The following ABCC1 variants were observed in gnomAD, a reference collection of about 807,000 sequenced individuals.
ABCC1 encodes ATP binding cassette subfamily C member 1 (ABCC1 blood group), also known as multidrug resistance-associated protein 1.
A neutral mutation model predicts 172.9 loss-of-function variants in ABCC1; 83 were observed. The observed-to-expected ratio is 0.48, with a 90% CI of 0.40 to 0.58. The LOEUF (loss-of-function observed/expected upper bound fraction) is 0.58. Among genes scored for constraint, ABCC1 ranks in the 20% least tolerant of loss-of-function variants. The probability of loss-of-function intolerance (pLI) is 0.00; values close to 1 mark genes in which losing one functional copy is unlikely to be tolerated. For missense variants in ABCC1, 1,817 were observed against 2,002.7 expected, an observed-to-expected ratio of 0.91 and a Z score of 1.77; for synonymous variants, 937 against 825.2, an observed-to-expected ratio of 1.14 and a Z score of -2.32.
At chr16:16,073,055 A>AAT (rs1555493562) in intron 14 of ABCC1, among the ~76,000 whole-genome samples, 1,825 of 143,718 alleles carry the variant, frequency 0.013, 27 homozygotes, top group African/African-American at 0.037. Flanking sequence ...AAAAAAAAAA[A>AAT]AATAATAATA....
chr16:16,051,316 G>A (rs1250142075), intron 10 of ABCC1, among the ~76,000 whole-genome samples: 1 of 151,810 alleles, frequency 6.6e-6, no homozygotes, highest in East Asian at 1.9e-4. Flanking sequence ...GACTACAGGT[G>A]CACGCCACCA....
intron 20 of ABCC1, among the ~76,000 whole-genome samples, chr16:16,106,232 A>G (rs940029660): frequency 6.6e-6 from 1 of 151,970 alleles, no homozygotes; most frequent in African/African-American, 2.4e-5. Context: ...GCAAGATCCC[A>G]CCCCAGTGCC....
In ABCC1 at chr16:16,090,531, G is replaced by A. The variant is rs1193186185; in HGVS notation, c.2587G>A (p.Ala863Thr). 1.2e-6 allele frequency: 2 copies of A among 1,613,646 alleles called. No individual in the cohort carries two copies. Among genetic ancestry groups the A allele is most frequent in the Non-Finnish European group, 8.5e-7 (1 of 1,179,836 alleles). Reference sequence around the variant, plus strand: ...GCTGCTGGCTCGAGACGGCGCCTTCGCTGAGTTCCTGCGTACCTATGCCAG... The same window carrying A: ...GCTGCTGGCTCGAGACGGCGCCTTCACTGAGTTCCTGCGTACCTATGCCAG... ...QELLARDGAF[A>T]EFLRTYASTE... Residue 863 changes from alanine to threonine, a missense_variant, in exon 19 of 31, where the codon GCT becomes ACT. This residue lies in a region of ABCC1 where 1,412 missense variants were observed against 1,600.3 expected (regional missense o/e 0.88). Transcript: ENST00000399410.
chr16:16,118,374 G>A (rs926745768), intron 23 of ABCC1, among the ~76,000 whole-genome samples: 40 of 149,002 alleles, frequency 2.7e-4, no homozygotes, highest in Admixed American at 6.7e-5. Context: ...ATCAGAGAGA[G>A]TAGGTCCAGT....
intron 19 of ABCC1, among the ~76,000 whole-genome samples, chr16:16,093,864 G>A (rs1435175095): frequency 1.3e-5 from 2 of 152,200 alleles, no homozygotes; most frequent in South Asian, 2.1e-4. Context: ...AATCCTTGAG[G>A]GGGGATGGGC....
Position 16,131,791 on chromosome 16 carries a change from G to C in ABCC1, c.3822G>C (p.Ala1274=). Residue 1274 remains alanine, a splice_region_variant and synonymous_variant, in exon 27 of 31, where the codon GCG becomes GCC. Transcript: ENST00000399410. ...CTCTCCCTTCACTGCGATCGAAGGC[G>C]CCCTGGCAAATCCAGGAGACAGCTC... ...LKEYSETEKE[A]PWQIQETAPP... is the part of the protein sequence containing the mutation. 6.2e-7 allele frequency: 1 copy of C among 1,613,074 alleles called. No individual in the cohort carries two copies. Among genetic ancestry groups the C allele is most frequent in the East Asian group, 2.2e-5 (1 of 44,860 alleles).
At chr16:16,043,222 G>GTTTTTTTTTTTT (rs147161637) in intron 7 of ABCC1, among the ~76,000 whole-genome samples, 1 of 89,502 alleles carries the variant, frequency 1.1e-5, no homozygotes, top group African/African-American at 5.1e-5. Flanking sequence ...TGGCTGGACT[G>GTTTTTTTTTTTT]TTTTTTTTTT....
rs1250722084 is a variant in ABCC1 at position 15,976,420 on chromosome 16, C to T, written c.48+26621C>T. On this transcript the variant is annotated intron_variant, in intron 1 of 30. Coordinates refer to ENST00000399410, the MANE Select transcript of ABCC1 (RefSeq NM_004996.4). ...GAAGCAGGGACTGTGATTGTTTCTA[C>T]CTTATGGGTGGGGAAAGGAGGCAGA... is the stretch of plus-strand genomic sequence containing the variant. Among the ~76,000 whole-genome samples, 5 of 152,156 alleles carry T rather than the reference C, an allele frequency of 3.3e-5. No homozygotes were observed. In the East Asian group the frequency reaches 9.6e-4, roughly 29 times the overall value.
At chr16:15,957,076 TG>T (rs1452618202) in intron 1 of ABCC1, among the ~76,000 whole-genome samples, 1 of 151,468 alleles carries the variant, frequency 6.6e-6, no homozygotes, top group Non-Finnish European at 1.5e-5. Flanking sequence ...TCAGATGGCT[TG>T]TTTTTTTATT....
chr16:16,077,415 C>A (rs577636489), intron 15 of ABCC1, among the ~76,000 whole-genome samples: 17 of 152,228 alleles, frequency 1.1e-4, no homozygotes, highest in Non-Finnish European at 2.4e-4. Context: ...CACAACTAAT[C>A]TGTATCTGTG....
At chr16:16,106,548 C>T (rs2052119088) in intron 20 of ABCC1, 190 bp from the exon 21 acceptor site, 1 of 595,830 alleles carries the variant, frequency 1.7e-6, no homozygotes, top group Non-Finnish European at 2.8e-6. Flanking sequence ...TCTCTGGGTA[C>T]CTATAAACCT....
intron 26 of ABCC1, among the ~76,000 whole-genome samples, chr16:16,130,516 C>T (rs1284383980): frequency 1.3e-5 from 2 of 151,546 alleles, no homozygotes; most frequent in Non-Finnish European, 2.9e-5. Context: ...TTTACAAAAT[C>T]ACTTTTTAAA....
chr16:15,969,367 CT>C (rs57250944), intron 1 of ABCC1, among the ~76,000 whole-genome samples: 24,424 of 131,296 alleles, frequency 0.19, 1,144 homozygotes, highest in African/African-American at 0.34. Context: ...GCTGGTCAGT[CT>C]TTTTTTTTTT....
chr16:16,014,986 A>G (rs2047941224), intron 4 of ABCC1, among the ~76,000 whole-genome samples: 1 of 152,134 alleles, frequency 6.6e-6, no homozygotes, highest in South Asian at 2.1e-4. Context: ...CCGAGCCGGG[A>G]ACGGTGTTTG....
intron 5 of ABCC1, among the ~76,000 whole-genome samples, chr16:16,028,890 G>C (rs544377371): frequency 6.6e-6 from 1 of 152,306 alleles, no homozygotes; most frequent in East Asian, 1.9e-4. Flanking sequence ...TCCACGGTCT[G>C]ATCTGAACTC....
intron 1 of ABCC1, among the ~76,000 whole-genome samples, chr16:15,983,217 G>T: frequency 6.6e-6 from 1 of 152,086 alleles, no homozygotes; most frequent in East Asian, 1.9e-4. Flanking sequence ...TGCATGTCAG[G>T]GCAGTGATGG....
intron 1 of ABCC1, among the ~76,000 whole-genome samples, chr16:15,964,431 C>T (rs2046201936): frequency 6.6e-6 from 1 of 152,110 alleles, no homozygotes; most frequent in Non-Finnish European, 1.5e-5. Context: ...GGAACCGTCC[C>T]CATGATCTAA....
chr16:16,036,520 G>T lies in ABCC1; in HGVS notation c.726G>T (p.Trp242Cys), dbSNP rs190420353. The T allele has an allele frequency of 3.8e-5, 61 of 1,614,146 alleles. No individual in the cohort carries two copies. The East Asian group carries it at 1.1e-3, about 29-fold the overall frequency. ...YRQPLEGSDLWSLNKEDTSEQ... is the reference protein window; with the variant it reads ...YRQPLEGSDLCSLNKEDTSEQ... ...AGCCCCTGGAGGGCAGTGACCTCTGGTCCTTAAACAAGGAGGACACGTCGG... is the reference window on the plus strand; with the variant it reads ...AGCCCCTGGAGGGCAGTGACCTCTGTTCCTTAAACAAGGAGGACACGTCGG... Residue 242 changes from tryptophan to cysteine, a missense_variant, in exon 7 of 31, where the codon TGG becomes TGT. Transcript: ENST00000399410.
intron 27 of ABCC1, among the ~76,000 whole-genome samples, chr16:16,132,579 G>T (rs1359918548): frequency 7.0e-6 from 1 of 143,400 alleles, no homozygotes; most frequent in African/African-American, 2.6e-5. Flanking sequence ...CAGAGTGCAG[G>T]GGCCCGATCT....
Sources: gnomAD v4.1 joint callset for allele counts (sites outside exome capture counted in the v4.1 genomes callset) on GRCh38, gnomAD v4.1.1 for gene constraint, gnomAD v4.1.1 regional missense constraint, MANE v1.5 for transcripts, NCBI Gene and HGNC (gene_info 2026-07-23, HGNC 2026-07-21) for gene names.